ZSWIM6: variants seen among roughly 807,000 people sequenced by gnomAD.
ZSWIM6 encodes zinc finger SWIM-type containing 6, also known as zinc finger SWIM domain-containing protein 6.
Under a neutral mutation model 113.2 loss-of-function variants are expected in ZSWIM6, and 9 were observed. That is an observed-to-expected ratio of 0.08 (90% CI 0.05 to 0.14). The LOEUF (loss-of-function observed/expected upper bound fraction) is 0.14. Among genes scored for constraint, ZSWIM6 ranks in the 10% least tolerant of loss-of-function variants. The pLI, the probability that ZSWIM6 is intolerant of heterozygous loss-of-function variation, is 1.00. For missense variants in ZSWIM6, 1,162 were observed against 1,552.2 expected, an observed-to-expected ratio of 0.75 and a Z score of 4.22; for synonymous variants, 611 against 606.5, an observed-to-expected ratio of 1.01 and a Z score of -0.11.
intron 4 of ZSWIM6, among the ~76,000 whole-genome samples, chr5:61,510,595 G>A (rs1475689733): frequency 6.6e-6 from 1 of 151,706 alleles, no homozygotes; most frequent in Non-Finnish European, 1.5e-5. Context: ...AAATCACTGA[G>A]TATGGAATAG....
At chr5:61,512,657 A>G (rs939204981) in intron 4 of ZSWIM6, among the ~76,000 whole-genome samples, 1 of 152,130 alleles carries the variant, frequency 6.6e-6, no homozygotes, top group African/African-American at 2.4e-5. Flanking sequence ...TTTTTTTATA[A>G]TTGTAGCTAT....
In ZSWIM6 at chr5:61,531,868, G is replaced by C. The variant is rs116725723; in HGVS notation, c.2245+143G>C. On this transcript the variant is annotated intron_variant, in intron 9 of 13. Coordinates refer to ENST00000252744, the MANE Select transcript of ZSWIM6 (RefSeq NM_020928.2). ...GTCATGGGGTATCAAAGACATGTTC[G>C]CTGTCTAAAAAATAGTGTCACTGAA... 9.3e-4 allele frequency: 859 copies of C among 926,594 alleles called. 2 individuals are homozygous for C. In the African/African-American group the frequency reaches 0.013, roughly 14 times the overall value. 57.4% of individuals were successfully genotyped at this position (926,594 alleles called of 1,614,324 possible). A position where few individuals can be genotyped will look rare whatever the true frequency, so the allele number is the denominator to read the frequency against.
chr5:61,375,616 G>T, intron 1 of ZSWIM6: 1 of 1,538,886 alleles, frequency 6.5e-7, no homozygotes, highest in Non-Finnish European at 8.8e-7. Flanking sequence ...AGATGGAACT[G>T]AGAAAGAAAA....
At chr5:61,447,167 G>T (rs1746972739) in intron 1 of ZSWIM6, among the ~76,000 whole-genome samples, 2 of 151,974 alleles carry the variant, frequency 1.3e-5, no homozygotes, top group South Asian at 4.2e-4. Context: ...ACTCCATCCT[G>T]CTTTCCTGTT....
At chr5:61,448,577 A>T in intron 1 of ZSWIM6, among the ~76,000 whole-genome samples, 1 of 152,166 alleles carries the variant, frequency 6.6e-6, no homozygotes. Context: ...ATGTATATAA[A>T]TATATACATG....
intron 1 of ZSWIM6, among the ~76,000 whole-genome samples, chr5:61,363,388 T>C (rs528932607): frequency 6.6e-6 from 1 of 152,332 alleles, no homozygotes; most frequent in Non-Finnish European, 1.5e-5. Flanking sequence ...AGAACCAGTT[T>C]TGAATAGTAA....
At chr5:61,334,990 T>C (rs1438242411) in intron 1 of ZSWIM6, among the ~76,000 whole-genome samples, 3 of 152,144 alleles carry the variant, frequency 2.0e-5, no homozygotes, top group African/African-American at 7.2e-5. Context: ...TCTTGGCTGA[T>C]TGCATTTAAG....
At chr5:61,439,031 T>C (rs1327049868) in intron 1 of ZSWIM6, among the ~76,000 whole-genome samples, 1 of 152,224 alleles carries the variant, frequency 6.6e-6, no homozygotes, top group Admixed American at 6.5e-5. Flanking sequence ...TGGACTGAGC[T>C]CAGGAATATC....
At chr5:61,495,663 TG>T (rs1748296431) in intron 4 of ZSWIM6, among the ~76,000 whole-genome samples, 3 of 152,260 alleles carry the variant, frequency 2.0e-5, no homozygotes, top group Admixed American at 1.3e-4. Context: ...GAATGATGTT[TG>T]GGGGGCACAG....
intron 1 of ZSWIM6, among the ~76,000 whole-genome samples, chr5:61,465,610 A>G (rs959389739): frequency 1.1e-4 from 17 of 152,188 alleles, no homozygotes; most frequent in Non-Finnish European, 1.5e-5. Flanking sequence ...TGGTGTAAGA[A>G]TCTACATTAA....
Position 61,332,955 on chromosome 5 carries a change from C to T in ZSWIM6, c.676+7C>T. ...GACAACGTCCTGCAAGTCGGTGAGT[C>T]ACGGGGCAGCCGCGAGCCGTCTGTC... On this transcript the variant is annotated splice_region_variant and intron_variant, in intron 1 of 13. Transcript: ENST00000252744. 2 of 1,312,422 alleles carry T rather than the reference C, an allele frequency of 1.5e-6. No individual in the cohort carries two copies. 81.3% of individuals were successfully genotyped at this position (1,312,422 alleles called of 1,614,324 possible).
intron 1 of ZSWIM6, among the ~76,000 whole-genome samples, chr5:61,336,441 A>T (rs1410160883): frequency 6.6e-6 from 1 of 152,104 alleles, no homozygotes; most frequent in African/African-American, 2.4e-5. Context: ...TCAAACTTGG[A>T]AAAGAGATAA....
chr5:61,357,103 G>GA (rs1744930589), intron 1 of ZSWIM6, among the ~76,000 whole-genome samples: 1 of 152,022 alleles, frequency 6.6e-6, no homozygotes, highest in South Asian at 2.1e-4. Flanking sequence ...AAACTCTGGA[G>GA]ATGGGGCCTA....
chr5:61,479,945 T>C (rs2112196869), intron 2 of ZSWIM6, among the ~76,000 whole-genome samples: 1 of 152,132 alleles, frequency 6.6e-6, no homozygotes, highest in East Asian at 1.9e-4. Context: ...TTAAAAATAA[T>C]TGGAGCCAAC....
intron 2 of ZSWIM6, among the ~76,000 whole-genome samples, chr5:61,473,272 A>G (rs1471618840): frequency 6.6e-6 from 1 of 152,140 alleles, no homozygotes; most frequent in Non-Finnish European, 1.5e-5. Context: ...TGGTTCTTAT[A>G]CTTCCTTTAA....
chr5:61,504,163 T>A (rs745512447), intron 4 of ZSWIM6, among the ~76,000 whole-genome samples: 4 of 152,226 alleles, frequency 2.6e-5, no homozygotes, highest in Non-Finnish European at 5.9e-5. Flanking sequence ...TAATCTTTAC[T>A]GAGTCCTCCA....
chr5:61,383,542 C>CG (rs1554032119), intron 1 of ZSWIM6, among the ~76,000 whole-genome samples: 57 of 147,358 alleles, frequency 3.9e-4, no homozygotes, highest in African/African-American at 1.4e-3. Flanking sequence ...AGAACTTTCT[C>CG]TTTTTTTTTT....
chr5:61,387,851 C>T (rs888932881), intron 1 of ZSWIM6, among the ~76,000 whole-genome samples: 1 of 149,786 alleles, frequency 6.7e-6, no homozygotes, highest in Non-Finnish European at 1.5e-5. Context: ...GTGGAGGTTG[C>T]AGTGAGCCGA....
chr5:61,452,678 A>G (rs1747110379), intron 1 of ZSWIM6, among the ~76,000 whole-genome samples: 2 of 152,206 alleles, frequency 1.3e-5, no homozygotes, highest in South Asian at 2.1e-4. Flanking sequence ...CCTAATGTTA[A>G]TATCTGCATT....
Sources: gnomAD v4.1 joint callset for allele counts (sites outside exome capture counted in the v4.1 genomes callset) on GRCh38, gnomAD v4.1.1 for gene constraint, MANE v1.5 for transcripts, NCBI Gene and HGNC (gene_info 2026-07-23, HGNC 2026-07-21) for gene names.